KCNJ3: variants seen among roughly 807,000 people sequenced by gnomAD.
KCNJ3 encodes G protein-activated inward rectifier potassium channel 1.
KCNJ3 carries 4 observed loss-of-function variants against 39.2 expected under a neutral mutation model. That is an observed-to-expected ratio of 0.10 (90% CI 0.05 to 0.23). The LOEUF (loss-of-function observed/expected upper bound fraction) is 0.23. Among genes scored for constraint, KCNJ3 ranks in the 10% least tolerant of loss-of-function variants. The probability of loss-of-function intolerance (pLI) is 1.00; values close to 1 mark genes in which losing one functional copy is unlikely to be tolerated. For synonymous variants in KCNJ3, 230 were observed against 237.4 expected, an observed-to-expected ratio of 0.97 and a Z score of 0.29; for missense variants, 276 against 634.9, an observed-to-expected ratio of 0.43 and a Z score of 6.08.
chr2:154,809,863 A>G (rs1314500530), intron 2 of KCNJ3, among the ~76,000 whole-genome samples: 1 of 150,754 alleles, frequency 6.6e-6, no homozygotes, highest in Admixed American at 6.7e-5. Flanking sequence ...CATATTGTAT[A>G]TGAAATTCTA....
intron 2 of KCNJ3, among the ~76,000 whole-genome samples, chr2:154,746,078 C>T (rs1685736403): frequency 6.6e-6 from 1 of 151,828 alleles, no homozygotes; most frequent in Non-Finnish European, 1.5e-5. Context: ...TTGAACATGA[C>T]AAGAATGAAT....
intron 1 of KCNJ3, among the ~76,000 whole-genome samples, chr2:154,707,749 T>C (rs1685037929): frequency 6.6e-6 from 1 of 152,134 alleles, no homozygotes; most frequent in African/African-American, 2.4e-5. Context: ...ATTATACACA[T>C]CAGAATACCA....
chr2:154,733,561 T>C (rs1685478413), intron 2 of KCNJ3, among the ~76,000 whole-genome samples: 1 of 152,218 alleles, frequency 6.6e-6, no homozygotes, highest in Non-Finnish European at 1.5e-5. Flanking sequence ...GGTGAATGAA[T>C]GCTTATATAA....
intron 2 of KCNJ3, among the ~76,000 whole-genome samples, chr2:154,762,941 A>T (rs1036044294): frequency 5.9e-5 from 9 of 152,158 alleles, no homozygotes; most frequent in Non-Finnish European, 1.3e-4. Flanking sequence ...AAGTGGTCTC[A>T]TGGAAAGTGC....
At chr2:154,776,480 T>C (rs1250016005) in intron 2 of KCNJ3, among the ~76,000 whole-genome samples, 2 of 152,168 alleles carry the variant, frequency 1.3e-5, no homozygotes, top group African/African-American at 4.8e-5. Flanking sequence ...TATTAATTAA[T>C]TAATTAGTGG....
chr2:154,765,963 C>T (rs554672508), intron 2 of KCNJ3, among the ~76,000 whole-genome samples: 2 of 152,228 alleles, frequency 1.3e-5, no homozygotes, highest in African/African-American at 2.4e-5. Flanking sequence ...ATTCCAGAAA[C>T]GGTGTGGCGC....
chr2:154,726,362 C>A (rs1000041563), intron 2 of KCNJ3, among the ~76,000 whole-genome samples: 1 of 152,012 alleles, frequency 6.6e-6, no homozygotes, highest in East Asian at 1.9e-4. Flanking sequence ...TTAAAAAATG[C>A]TCAACATAAC....
intron 2 of KCNJ3, among the ~76,000 whole-genome samples, chr2:154,836,360 CTGTT>C (rs200204144): frequency 6.6e-6 from 1 of 151,924 alleles, no homozygotes; most frequent in South Asian, 2.1e-4. Flanking sequence ...AAGGAAGTCA[CTGTT>C]TGCATTTCAT....
intron 2 of KCNJ3, among the ~76,000 whole-genome samples, chr2:154,771,044 C>G (rs951005080): frequency 6.6e-6 from 1 of 151,942 alleles, no homozygotes; most frequent in Non-Finnish European, 1.5e-5. Flanking sequence ...CACACACCAC[C>G]ATGCCCGGCT....
chr2:154,732,384 T>C (rs543670807), intron 2 of KCNJ3, among the ~76,000 whole-genome samples: 15 of 152,260 alleles, frequency 9.9e-5, no homozygotes, highest in Middle Eastern at 3.4e-3. Flanking sequence ...ATATTTTTCT[T>C]ACCCATTGGT....
chr2:154,846,687 T>G (rs1271014690), intron 2 of KCNJ3, among the ~76,000 whole-genome samples: 1 of 152,202 alleles, frequency 6.6e-6, no homozygotes, highest in Non-Finnish European at 1.5e-5. Context: ...TTTCCTGTCA[T>G]GTTTTCTACC....
chr2:154,755,648 A>G (rs1321400333), intron 2 of KCNJ3, among the ~76,000 whole-genome samples: 1 of 150,870 alleles, frequency 6.6e-6, no homozygotes, highest in Non-Finnish European at 1.5e-5. Context: ...ACTTTGTACT[A>G]AGGTTCTTAT....
intron 2 of KCNJ3, among the ~76,000 whole-genome samples, chr2:154,735,604 A>G (rs1387773013): frequency 6.6e-6 from 1 of 152,200 alleles, no homozygotes; most frequent in Non-Finnish European, 1.5e-5. Flanking sequence ...AATTTTCTCG[A>G]CTTATTGATG....
At chr2:154,776,277 C>T (rs866816449) in intron 2 of KCNJ3, among the ~76,000 whole-genome samples, 2 of 152,152 alleles carry the variant, frequency 1.3e-5, no homozygotes, top group Admixed American at 6.6e-5. Flanking sequence ...GCTTGGAGTA[C>T]AGGCGTGAGC....
At chr2:154,821,876 G>C (rs1314360536) in intron 2 of KCNJ3, among the ~76,000 whole-genome samples, 1 of 151,774 alleles carries the variant, frequency 6.6e-6, no homozygotes, top group Non-Finnish European at 1.5e-5. Context: ...CCTGACCTCA[G>C]ATAATCCATT....
chr2:154,775,307 T>C (rs1686313496), intron 2 of KCNJ3, among the ~76,000 whole-genome samples: 1 of 152,160 alleles, frequency 6.6e-6, no homozygotes, highest in African/African-American at 2.4e-5. Context: ...AAATGACATG[T>C]TTTCAGTTGG....
intron 2 of KCNJ3, among the ~76,000 whole-genome samples, chr2:154,724,589 T>C (rs940238481): frequency 1.3e-5 from 2 of 151,374 alleles, no homozygotes; most frequent in Admixed American, 6.6e-5. Flanking sequence ...TGTTGAAGAA[T>C]GCTTTCCCTA....
chr2:154,739,836 A>G (rs2105174052), intron 2 of KCNJ3, among the ~76,000 whole-genome samples: 1 of 152,164 alleles, frequency 6.6e-6, no homozygotes, highest in East Asian at 1.9e-4. Context: ...TGTTTTGACA[A>G]ATGTGCCTTT....
At chr2:154,771,403 T>G (rs1233656399) in intron 2 of KCNJ3, among the ~76,000 whole-genome samples, 1 of 152,166 alleles carries the variant, frequency 6.6e-6, no homozygotes, top group Non-Finnish European at 1.5e-5. Flanking sequence ...ATATATAACC[T>G]GAAAGCATGA....
Sources: allele counts gnomAD v4.1 joint callset (sites outside exome capture counted in the v4.1 genomes callset), GRCh38; gene constraint gnomAD v4.1.1; transcripts MANE v1.5; gene names NCBI Gene and HGNC (gene_info 2026-07-23, HGNC 2026-07-21).